SLX4: variants seen among roughly 807,000 people sequenced by gnomAD.
SLX4 encodes structure-specific endonuclease subunit SLX4.
SLX4 carries 112 observed loss-of-function variants against 146.2 expected under a neutral mutation model. That is an observed-to-expected ratio of 0.77 (90% CI 0.66 to 0.90). The LOEUF is 0.90. SLX4 is among the 40% of genes least tolerant of loss of function. The pLI is 0.00. For missense variants in SLX4, 2,563 were observed against 2,392.7 expected, an observed-to-expected ratio of 1.07 and a Z score of -1.49; for synonymous variants, 1,061 against 997.7, an observed-to-expected ratio of 1.06 and a Z score of -1.20.
Position 3,581,233 on chromosome 16 carries a change from G to A in SLX4, c.*1109C>T, listed in dbSNP as rs1368514224. On this transcript the variant is annotated 3_prime_UTR_variant, in exon 15 of 15. Transcript: ENST00000294008. ...CACATCATATAAAACTGACTGCACT[G>A]TATTTGAAACAGACGAGGACATTCA... The A allele has an allele frequency of 2.0e-5, 3 of 152,670 alleles. No homozygotes were observed. The highest frequency in any genetic ancestry group is 4.8e-5 in the African/African-American group (2 of 41,456). 9.5% of individuals were successfully genotyped at this position (152,670 alleles called of 1,614,324 possible).
In SLX4 at chr16:3,596,126, G is replaced by A. The variant is rs1314518351; in HGVS notation, c.1924+27C>T. On this transcript the variant is annotated intron_variant, in intron 8 of 14. Transcript: ENST00000294008. ...GGGGAGGCCCGGGAGGGCAGGGCTG[G>A]CCCTAGAGTCCCACCCAGCATCTCA... 4 of 1,543,894 alleles carry A rather than the reference G, an allele frequency of 2.6e-6. No homozygotes were observed. The South Asian group carries it at 4.8e-5, about 18-fold the overall frequency.
chr16:3,607,011 C>T lies in SLX4; in HGVS notation c.536-313G>A, dbSNP rs567434255. 8.5e-5 allele frequency among the ~76,000 whole-genome samples: 13 copies of T among 152,234 alleles called. No individual in the cohort carries two copies. In the East Asian group the frequency reaches 1.7e-3, roughly 20 times the overall value. On this transcript the variant is annotated intron_variant, in intron 2 of 14. Coordinates refer to ENST00000294008, the MANE Select transcript of SLX4 (RefSeq NM_032444.4). ...ACAAGTCTGTGAATATACTAAAAACCACTGAACCATACCCTTTTAAATGGT... is the reference window on the plus strand; with the variant it reads ...ACAAGTCTGTGAATATACTAAAAACTACTGAACCATACCCTTTTAAATGGT...
intron 3 of SLX4, among the ~76,000 whole-genome samples, chr16:3,603,241 C>A (rs986448526): frequency 1.3e-5 from 2 of 152,312 alleles, no homozygotes; most frequent in Middle Eastern, 3.4e-3. Flanking sequence ...CAGGGCTTCA[C>A]CATGTTGGCC....
In SLX4 at chr16:3,608,528, G is replaced by A; in HGVS notation, c.437C>T (p.Ser146Phe). 1 of 1,614,192 alleles carries A rather than the reference G, an allele frequency of 6.2e-7. No homozygotes were observed. Among genetic ancestry groups the A allele is most frequent in the East Asian group, 2.2e-5 (1 of 44,878 alleles). ...CCGGAGCACAGGTGGATCTGGAGCA[G>A]AGGCAAGCACACCCCCCTCCCCATT... is the stretch of plus-strand genomic sequence containing the variant. ...SVNGEGGVLA[S>F]APDPPVLRET... The change falls in exon 2 of 15, where the codon TCT (serine) becomes TTT (phenylalanine). Residue 146 changes from serine to phenylalanine, a missense_variant. Physicochemically the swap from Ser to Phe is radical, Grantham distance 155 (BLOSUM62 -2). Transcript: ENST00000294008.
intron 14 of SLX4, 78 bp downstream of exon 14, chr16:3,583,019 T>A: frequency 6.5e-7 from 1 of 1,548,998 alleles, no homozygotes. Flanking sequence ...GGCCATTAGG[T>A]CTCACTCGTG....
chr16:3,586,045 G>A (rs2040504815), intron 12 of SLX4, among the ~76,000 whole-genome samples: 1 of 151,988 alleles, frequency 6.6e-6, no homozygotes, highest in Admixed American at 6.6e-5. Context: ...ACAAGTGTTG[G>A]TGGAGATTTA....
In SLX4 at chr16:3,582,021, T is replaced by G; in HGVS notation, c.*321A>C. 1 of 404,966 alleles carries G rather than the reference T, an allele frequency of 2.5e-6. No individual in the cohort carries two copies. Among genetic ancestry groups the G allele is most frequent in the Non-Finnish European group, 4.5e-6 (1 of 221,624 alleles). 25.1% of individuals were successfully genotyped at this position (404,966 alleles called of 1,614,324 possible). Reference sequence around the variant, plus strand: ...TTGTGCCACTGCACTCCAGCCTAGGTGACACAGCACGACTGTCTCAAAAAG... The same window carrying G: ...TTGTGCCACTGCACTCCAGCCTAGGGGACACAGCACGACTGTCTCAAAAAG... On this transcript the variant is annotated 3_prime_UTR_variant, in exon 15 of 15. Transcript: ENST00000294008.
At chr16:3,599,387 G>A (rs1165421558) in intron 5 of SLX4, among the ~76,000 whole-genome samples, 4 of 152,238 alleles carry the variant, frequency 2.6e-5, no homozygotes, top group Admixed American at 1.3e-4. Context: ...CTATGAACCT[G>A]GTGTCAGCTC....
At position 3,602,048 on chromosome 16, in the gene SLX4, C is replaced by T. The variant is rs538469685; in HGVS notation, c.950+70G>A. 6 of 1,601,574 alleles carry T rather than the reference C, an allele frequency of 3.7e-6. No individual in the cohort carries two copies. In the African/African-American group the frequency reaches 6.7e-5, roughly 18 times the overall value. ...TCATGGTAAGGTGTGGAGATCCGCA[C>T]TCCAGCCCTGGGGTGCTTGGGGATT... On this transcript the variant is annotated intron_variant, in intron 4 of 14. Transcript: ENST00000294008.
At chr16:3,591,358 G>A in intron 11 of SLX4, 48 bp from the exon 12 acceptor site, 2 of 1,602,338 alleles carry the variant, frequency 1.2e-6, no homozygotes, top group Non-Finnish European at 8.5e-7. Context: ...GTGGAGATGG[G>A]CTCTGGGTGC....
intron 5 of SLX4, 195 bp downstream of exon 5, chr16:3,600,784 C>T (rs549386027): frequency 1.6e-5 from 9 of 575,294 alleles, no homozygotes; most frequent in African/African-American, 9.4e-5. Flanking sequence ...TTAGTAGAGA[C>T]GAGATTGTAC....
chr16:3,588,744 T>A (rs2040536915), intron 12 of SLX4, among the ~76,000 whole-genome samples: 1 of 152,122 alleles, frequency 6.6e-6, no homozygotes, highest in Non-Finnish European at 1.5e-5. Flanking sequence ...AGATGTGGAT[T>A]TTTAACACAT....
At chr16:3,606,024 C>T (rs2040778568) in intron 3 of SLX4, among the ~76,000 whole-genome samples, 1 of 148,276 alleles carries the variant, frequency 6.7e-6, no homozygotes, top group African/African-American at 2.5e-5. Flanking sequence ...CTTTGGGGAG[C>T]TGAGGTAGGC....
intron 3 of SLX4, among the ~76,000 whole-genome samples, chr16:3,602,884 G>C (rs2040743121): frequency 1.3e-5 from 2 of 152,184 alleles, no homozygotes; most frequent in African/African-American, 4.8e-5. Context: ...CTGGTCTTGA[G>C]ATGGCTCCCA....
rs1409043457 is a variant in SLX4, at chr16:3,582,345, G to A, written c.5502C>T (p.Asn1834=). 2 of 1,610,934 alleles carry A rather than the reference G, an allele frequency of 1.2e-6. No individual in the cohort carries two copies. Among genetic ancestry groups the A allele is most frequent in the Non-Finnish European group, 1.7e-6 (2 of 1,179,922 alleles). The change falls in exon 15 of 15, where the codon AAC becomes AAT. Residue 1834 remains asparagine (N), a synonymous_variant. Transcript: ENST00000294008. ...GGGTGGGGTCGGGATGGCCCCATCAGTTCCGCTCCACCTTCTTCTTGCCCC... is the reference window on the plus strand; with the variant it reads ...GGGTGGGGTCGGGATGGCCCCATCAATTCCGCTCCACCTTCTTCTTGCCCC... The part of the protein sequence containing the change: ...QPRGKKKVER[N]
rs746749087 is a variant in SLX4, at chr16:3,590,817, C to T, written c.2821G>A (p.Ala941Thr). ...PQGQHSGARG[A>T]EAPEQEAPEE... ...GGCGCCTCCTGCTCAGGGGCCTCTGCTCCCCGTGCCCCTGAGTGCTGGCCC... is the reference window on the plus strand; with the variant it reads ...GGCGCCTCCTGCTCAGGGGCCTCTGTTCCCCGTGCCCCTGAGTGCTGGCCC... Residue 941 changes from alanine (A) to threonine (T), a missense_variant, in exon 12 of 15, where the codon GCA (alanine) becomes ACA (threonine). Physicochemically the swap from Ala to Thr is moderately conservative, Grantham distance 58. Coordinates refer to ENST00000294008, the MANE Select transcript of SLX4 (RefSeq NM_032444.4). This position sits in a 1 kb window ranked among gnomAD's most constrained non-coding sequence, Gnocchi z 4.8. 12 of 1,614,080 alleles carry T rather than the reference C, an allele frequency of 7.4e-6. No homozygotes were observed. The South Asian group carries it at 9.9e-5, about 13-fold the overall frequency.
intron 12 of SLX4, 143 bp downstream of exon 12, chr16:3,588,859 T>C: frequency 9.9e-7 from 1 of 1,008,730 alleles, no homozygotes; most frequent in Admixed American, 1.7e-5. Context: ...TGGAGGGGAG[T>C]CTGGAAGGCA....
rs983506423 is a variant in SLX4, at chr16:3,591,203, G to A, written c.2435C>T (p.Ala812Val). 1.9e-6 allele frequency: 3 copies of A among 1,613,810 alleles called. No homozygotes were observed. Among genetic ancestry groups the A allele is most frequent in the East Asian group, 2.2e-5 (1 of 44,898 alleles). ...CCTCAAGAGTTCCTGGAAATTCTCG[G>A]CCCTGCTTTCGCAATTCTCTGCTTC... is the stretch of plus-strand genomic sequence containing the variant. Reference protein sequence around the residue: ...EKEAENCESRAENFQELLRSM... With the variant: ...EKEAENCESRVENFQELLRSM... Residue 812 changes from alanine (A) to valine (V), a missense_variant, in exon 12 of 15, where the codon GCC (alanine) becomes GTC (valine). Coordinates refer to ENST00000294008, the MANE Select transcript of SLX4 (RefSeq NM_032444.4).
Position 3,591,257 on chromosome 16 carries a change from T to A in SLX4, c.2381A>T (p.Asp794Val), listed in dbSNP as rs201622632. Reference protein sequence around the residue: ...HLCEQVPIATDSEGKPWEEKE... With the variant: ...HLCEQVPIATVSEGKPWEEKE... The stretch of plus-strand genomic sequence containing the variant: ...CTCCTCCCATGGTTTGCCCTCTGAG[T>A]CAGTGGCAATAGGCACCTGTTCGCA... Residue 794 changes from aspartate (D) to valine (V), a missense_variant, in exon 12 of 15, where the codon GAC becomes GTC. Transcript: ENST00000294008. The A allele has an allele frequency of 1.3e-5, 21 of 1,613,014 alleles. No individual in the cohort carries two copies. The East Asian group carries it at 3.6e-4, about 27-fold the overall frequency.
Sources: allele counts gnomAD v4.1 joint callset (sites outside exome capture counted in the v4.1 genomes callset), GRCh38; gene constraint gnomAD v4.1.1; non-coding constraint Gnocchi (gnomAD v3.1); transcripts MANE v1.5; gene names NCBI Gene and HGNC (gene_info 2026-07-23, HGNC 2026-07-21).